Variants in GRIA4 observed in about 807,000 individuals in gnomAD.
The protein encoded by GRIA4 is glutamate receptor 4.
A neutral mutation model predicts 104.0 loss-of-function variants in GRIA4; 34 were observed. That is an observed-to-expected ratio of 0.33 (90% CI 0.25 to 0.44). The LOEUF is 0.44. GRIA4 is among the 20% of genes least tolerant of loss of function. GRIA4 has a pLI of 1.00. For synonymous variants in GRIA4, 386 were observed against 381.9 expected (o/e 1.01, Z -0.13); for missense variants, 750 against 1,096.5 (o/e 0.68, Z 4.46).
At chr11:105,797,696 C>T (rs1373992887) in intron 4 of GRIA4, 11 of 362,570 alleles carry the variant, frequency 3.0e-5, no homozygotes, top group East Asian at 8.2e-5. Context: ...TAATGAGTTT[C>T]TTTGTGTCTT....
intron 4 of GRIA4, among the ~76,000 whole-genome samples, chr11:105,817,175 GTATC>G (rs1360559004): frequency 6.6e-6 from 1 of 151,858 alleles, no homozygotes; most frequent in African/African-American, 2.4e-5. Context: ...AATATTGATA[GTATC>G]TATCTTGTTA....
Position 105,713,793 on chromosome 11 carries a change from A to G in GRIA4, c.248-39188A>G, listed in dbSNP as rs73627701. On this transcript the variant is annotated intron_variant, in intron 3 of 16. Transcript: ENST00000282499. Reference sequence around the variant, plus strand: ...AGATGCACAAATAGGTCCAGAATGGAAATTTTAAAGTAGCTTGAGGCCATT... The same window carrying G: ...AGATGCACAAATAGGTCCAGAATGGGAATTTTAAAGTAGCTTGAGGCCATT... 7.2e-3 allele frequency among the ~76,000 whole-genome samples: 1,097 copies of G among 152,310 alleles called. 13 individuals are homozygous for G. Among genetic ancestry groups the G allele is most frequent in the African/African-American group, 0.025 (1,033 of 41,572 alleles).
rs1445629933 is a variant in GRIA4, at chr11:105,918,693, T to C, written c.1270-19T>C. 4 of 1,166,458 alleles carry C rather than the reference T, an allele frequency of 3.4e-6. No individual in the cohort carries two copies. In the African/African-American group the frequency reaches 4.5e-5, roughly 13 times the overall value. 72.3% of individuals were successfully genotyped at this position (1,166,458 alleles called of 1,614,324 possible). On this transcript the variant is annotated intron_variant, in intron 10 of 16. Coordinates refer to ENST00000282499, the MANE Select transcript of GRIA4 (RefSeq NM_000829.4). ...TGTTTTATAATTTCTCCTTTACAGT[T>C]CTACTTCTCTCATTATAGGAATCCC... is the stretch of plus-strand genomic sequence containing the variant.
chr11:105,778,731 A>G (rs1270210079), intron 4 of GRIA4, among the ~76,000 whole-genome samples: 4 of 152,144 alleles, frequency 2.6e-5, no homozygotes, highest in Non-Finnish European at 5.9e-5. Context: ...CCAACTAAGC[A>G]TAGGAAGGCA....
intron 5 of GRIA4, among the ~76,000 whole-genome samples, chr11:105,865,108 G>A (rs977104403): frequency 5.3e-5 from 8 of 152,038 alleles, no homozygotes; most frequent in African/African-American, 1.9e-4. Flanking sequence ...TAAATGTATT[G>A]CTATTTAATA....
intron 3 of GRIA4, among the ~76,000 whole-genome samples, chr11:105,629,122 T>TC (rs201273042): frequency 0.014 from 2,051 of 150,188 alleles, 31 homozygotes; most frequent in African/African-American, 0.041. Flanking sequence ...TGCTATATAG[T>TC]CCCAGCTACT....
intron 6 of GRIA4, among the ~76,000 whole-genome samples, chr11:105,895,171 A>G (rs1173810881): frequency 6.6e-6 from 1 of 152,178 alleles, no homozygotes; most frequent in East Asian, 1.9e-4. Flanking sequence ...AAATTGAAGC[A>G]TATTCACATT....
chr11:105,890,425 T>C (rs1432654615), intron 6 of GRIA4, among the ~76,000 whole-genome samples: 9 of 152,222 alleles, frequency 5.9e-5, no homozygotes, highest in Non-Finnish European at 1.0e-4. Flanking sequence ...GGCAATTTCT[T>C]TGTGAATAAG....
intron 13 of GRIA4, among the ~76,000 whole-genome samples, chr11:105,928,901 G>T (rs1947794402): frequency 6.6e-6 from 1 of 152,040 alleles, no homozygotes; most frequent in Non-Finnish European, 1.5e-5. Context: ...TAAGAATGGG[G>T]AAACCTGCTT....
At chr11:105,829,150 C>T (rs1227998414) in intron 4 of GRIA4, among the ~76,000 whole-genome samples, 2 of 151,236 alleles carry the variant, frequency 1.3e-5, no homozygotes, top group East Asian at 1.9e-4. Context: ...CCTATTATAA[C>T]CCTTTTACAG....
At position 105,753,035 on chromosome 11, in the gene GRIA4, G is replaced by A. The variant is rs772806677; in HGVS notation, c.302G>A (p.Arg101Lys). 1.9e-6 allele frequency: 3 copies of A among 1,613,300 alleles called. No individual in the cohort carries two copies. The highest frequency in any genetic ancestry group is 2.2e-5 in the East Asian group (1 of 44,828). ...VFAIFGLYDKRSVHTLTSFCS... is the reference protein window; with the variant it reads ...VFAIFGLYDKKSVHTLTSFCS... The stretch of plus-strand genomic sequence containing the variant: ...GCCATTTTTGGACTCTATGATAAGA[G>A]GTCGGTACATACCTTGACCTCATTC... Residue 101 changes from arginine to lysine, a missense_variant, in exon 4 of 17, where the codon AGG (arginine) becomes AAG (lysine). Physicochemically the swap from Arg to Lys is conservative, Grantham distance 26. Coordinates refer to ENST00000282499, the MANE Select transcript of GRIA4 (RefSeq NM_000829.4).
chr11:105,873,412 A>T (rs1442857144), intron 5 of GRIA4, among the ~76,000 whole-genome samples: 3 of 152,162 alleles, frequency 2.0e-5, no homozygotes, highest in Non-Finnish European at 2.9e-5. Flanking sequence ...CAGTAGAATG[A>T]TTTATAATCC....
At chr11:105,718,922 A>T (rs2135570053) in intron 3 of GRIA4, among the ~76,000 whole-genome samples, 1 of 152,258 alleles carries the variant, frequency 6.6e-6, no homozygotes, top group South Asian at 2.1e-4. Flanking sequence ...GGAACAAGCC[A>T]GGGGAAACAA....
chr11:105,946,720 T>C (rs983291266), intron 14 of GRIA4, among the ~76,000 whole-genome samples: 4 of 152,198 alleles, frequency 2.6e-5, no homozygotes, highest in African/African-American at 9.7e-5. Context: ...TTATCTGTTA[T>C]CATTTTCCTC....
chr11:105,916,958 A>G (rs1947423732), intron 10 of GRIA4, among the ~76,000 whole-genome samples: 2 of 152,112 alleles, frequency 1.3e-5, no homozygotes, highest in African/African-American at 4.8e-5. Context: ...GGTTATTTTA[A>G]AAAAAAGAGA....
chr11:105,653,749 T>C (rs1032237281), intron 3 of GRIA4, among the ~76,000 whole-genome samples: 1 of 151,408 alleles, frequency 6.6e-6, no homozygotes, highest in Non-Finnish European at 1.5e-5. Context: ...TTCTTGGCTG[T>C]GGAAAGAAAA....
At chr11:105,684,306 G>C (rs1952802364) in intron 3 of GRIA4, among the ~76,000 whole-genome samples, 1 of 151,888 alleles carries the variant, frequency 6.6e-6, no homozygotes, top group Admixed American at 6.6e-5. Flanking sequence ...TTAAACAGAT[G>C]GAAAACACAG....
intron 4 of GRIA4, among the ~76,000 whole-genome samples, chr11:105,822,906 T>C (rs757785816): frequency 3.9e-5 from 6 of 152,150 alleles, no homozygotes; most frequent in Non-Finnish European, 5.9e-5. Flanking sequence ...TTTTGGTTAT[T>C]ACTCTTTCTG....
At chr11:105,621,456 T>A (rs1950743570) in intron 3 of GRIA4, among the ~76,000 whole-genome samples, 1 of 151,434 alleles carries the variant, frequency 6.6e-6, no homozygotes, top group African/African-American at 2.4e-5. Context: ...TATCTAGAAA[T>A]AAAAGTATTT....
Sources: gnomAD v4.1 joint callset for allele counts (sites outside exome capture counted in the v4.1 genomes callset) on GRCh38, gnomAD v4.1.1 for gene constraint, MANE v1.5 for transcripts, NCBI Gene and HGNC (gene_info 2026-07-23, HGNC 2026-07-21) for gene names.